The following CHL1 variants were observed in gnomAD, a reference collection of about 807,000 sequenced individuals.
The protein encoded by CHL1 is neural cell adhesion molecule L1-like protein.
In CHL1, 96 loss-of-function variants were observed where a neutral mutation model predicts 141.9. The ratio of observed to expected loss-of-function variants is 0.68; its 90% confidence interval spans 0.57 to 0.80. The LOEUF (loss-of-function observed/expected upper bound fraction) is 0.80. Ranked by LOEUF, CHL1 falls within the 30% of genes least tolerant of loss-of-function variation. CHL1 has a pLI of 0.00. For synonymous variants in CHL1, 613 were observed against 502.2 expected, an observed-to-expected ratio of 1.22 and a Z score of -2.95; for missense variants, 1,820 against 1,457.2, an observed-to-expected ratio of 1.25 and a Z score of -4.05.
At position 296,351 on chromosome 3, in the gene CHL1, C is replaced by T. The variant is rs115483347; in HGVS notation, c.-94-23332C>T. On this transcript the variant is annotated intron_variant, in intron 2 of 27. Transcript: ENST00000256509. ...CAAATGGAATTTACTATTTTATATA[C>T]CAAAATTCTGTGAAAATACAGGTGG... 2.4e-3 allele frequency among the ~76,000 whole-genome samples: 364 copies of T among 152,204 alleles called. 4 individuals carry two copies. The highest frequency in any genetic ancestry group is 8.1e-3 in the African/African-American group (337 of 41,534).
chr3:206,437 G>A (rs1022315128), intron 1 of CHL1, among the ~76,000 whole-genome samples: 2 of 152,102 alleles, frequency 1.3e-5, no homozygotes, highest in African/African-American at 4.8e-5. Context: ...CTGCACTCCA[G>A]CCTGGGTGAC....
intron 2 of CHL1, among the ~76,000 whole-genome samples, chr3:310,947 C>T (rs1466826534): frequency 6.6e-6 from 1 of 152,152 alleles, no homozygotes; most frequent in African/African-American, 2.4e-5. Flanking sequence ...ATAGTTTTGC[C>T]TTTTCCAGAG....
chr3:228,300 CTAA>C (rs1701543719), intron 1 of CHL1, among the ~76,000 whole-genome samples: 1 of 151,548 alleles, frequency 6.6e-6, no homozygotes, highest in Non-Finnish European at 1.5e-5. Flanking sequence ...TACATTTAGT[CTAA>C]GAGGTAGAAA....
At position 349,349 on chromosome 3, in the gene CHL1, T is replaced by G. The variant is rs745497795; in HGVS notation, c.849-10T>G. On this transcript the variant is annotated splice_polypyrimidine_tract_variant and intron_variant, in intron 9 of 27. Transcript: ENST00000256509. ...AAAAAAATGTTTATTTATTTAACTA[T>G]TTTTTGCAGGCCAACTCCACAGGTT... The G allele has an allele frequency of 6.2e-7, 1 of 1,605,622 alleles. No individual in the cohort carries two copies. Among genetic ancestry groups the G allele is most frequent in the Non-Finnish European group, 8.5e-7 (1 of 1,176,626 alleles).
At chr3:229,990 C>T (rs1701716310) in intron 1 of CHL1, among the ~76,000 whole-genome samples, 2 of 152,102 alleles carry the variant, frequency 1.3e-5, no homozygotes, top group African/African-American at 4.8e-5. Context: ...GGTGGATCTT[C>T]TCTCCTTATC....
At chr3:348,500 CA>C (rs1272776467) in intron 9 of CHL1, among the ~76,000 whole-genome samples, 1 of 152,114 alleles carries the variant, frequency 6.6e-6, no homozygotes, top group African/African-American at 2.4e-5. Context: ...TCAAATGAGT[CA>C]CAGAAGGTAT....
intron 15 of CHL1, among the ~76,000 whole-genome samples, chr3:376,836 C>G (rs1262267966): frequency 6.6e-6 from 1 of 152,024 alleles, no homozygotes; most frequent in Admixed American, 6.6e-5. Flanking sequence ...ATTAACAATT[C>G]AAGGTAATAT....
At chr3:350,832 C>A (rs1703184341) in intron 10 of CHL1, among the ~76,000 whole-genome samples, 1 of 152,070 alleles carries the variant, frequency 6.6e-6, no homozygotes, top group Admixed American at 6.6e-5. Context: ...CAACATCTGC[C>A]AAACAGTGAT....
intron 2 of CHL1, among the ~76,000 whole-genome samples, chr3:245,466 A>C (rs1421261026): frequency 1.3e-5 from 2 of 152,178 alleles, no homozygotes; most frequent in Non-Finnish European, 2.9e-5. Context: ...TGTTTGGTTC[A>C]GTAAGTGCCA....
At position 401,735 on chromosome 3, in the gene CHL1, T is replaced by C. The variant is rs776270623; in HGVS notation, c.3458+37T>C. 5.8e-6 allele frequency: 7 copies of C among 1,205,278 alleles called. No individual in the cohort carries two copies. The South Asian group carries it at 9.7e-5, about 17-fold the overall frequency. The allele number at this position is 1,205,278 out of a possible 1,614,324, so 74.7% of individuals were successfully genotyped here. A position where few individuals can be genotyped will look rare whatever the true frequency, so the allele number is the denominator to read the frequency against. ...GTTCTGTTGTAAAATAAAACACATA[T>C]TCATCATGTTGAAAGCTTAAGTGAA... On this transcript the variant is annotated intron_variant, in intron 27 of 27. Transcript: ENST00000256509.
At chr3:329,989 A>G (rs1701312430) in intron 5 of CHL1, among the ~76,000 whole-genome samples, 1 of 152,106 alleles carries the variant, frequency 6.6e-6, no homozygotes, top group African/African-American at 2.4e-5. Context: ...AGCAGAGAAA[A>G]ACATCAGTGA....
At position 357,551 on chromosome 3, in the gene CHL1, G is replaced by T. The variant is rs80339156; in HGVS notation, c.1166-2733G>T. Among the ~76,000 whole-genome samples the T allele has an allele frequency of 9.2e-5, 14 of 152,242 alleles. No homozygotes were observed. In the East Asian group the frequency reaches 2.7e-3, roughly 29 times the overall value. On this transcript the variant is annotated intron_variant, in intron 11 of 27. Transcript: ENST00000256509. ...TAAAACCAGGAACTAAACCCAGGAA[G>T]GATTAACTCCAGAGCTGAAGTTTCG...
chr3:244,266 C>G (rs1026083183), intron 1 of CHL1, among the ~76,000 whole-genome samples: 1 of 152,164 alleles, frequency 6.6e-6, no homozygotes, highest in African/African-American at 2.4e-5. Flanking sequence ...CCAGACAGGT[C>G]AGGAGAACCG....
chr3:409,222 G>T lies in CHL1; in HGVS notation c.*3511G>T, dbSNP rs1044909942. The T allele has an allele frequency of 1.3e-5, 2 of 152,008 alleles. No homozygotes were observed. Among genetic ancestry groups the T allele is most frequent in the Admixed American group, 1.3e-4 (2 of 15,234 alleles). The allele number at this position is 152,008 out of a possible 1,614,324, so 9.4% of individuals were successfully genotyped here. A position where few individuals can be genotyped will look rare whatever the true frequency, so the allele number is the denominator to read the frequency against. On this transcript the variant is annotated 3_prime_UTR_variant, in exon 28 of 28. Coordinates refer to ENST00000256509, the MANE Select transcript of CHL1 (RefSeq NM_006614.4). ...GATTACGTCATCAAAAGAGATGAAA[G>T]GTATGTAGAACAGGTTCACGTGATT...
At chr3:253,921 T>A (rs938826644) in intron 2 of CHL1, among the ~76,000 whole-genome samples, 1 of 152,236 alleles carries the variant, frequency 6.6e-6, no homozygotes, top group African/African-American at 2.4e-5. Flanking sequence ...TATTGAGAAC[T>A]TACACTGAGC....
At chr3:339,126 A>G (rs1047301546) in intron 5 of CHL1, among the ~76,000 whole-genome samples, 3 of 152,148 alleles carry the variant, frequency 2.0e-5, no homozygotes, top group Non-Finnish European at 4.4e-5. Context: ...CCAACTACCC[A>G]ACAGCACCAC....
intron 17 of CHL1, 95 bp from the exon 18 acceptor site, chr3:382,379 A>C (rs1354946313): frequency 1.4e-6 from 2 of 1,460,924 alleles, no homozygotes; most frequent in African/African-American, 1.4e-5. Flanking sequence ...TCTTCTTATA[A>C]CATCCTTTTG....
chr3:344,097 G>A lies in CHL1; in HGVS notation c.728-492G>A, dbSNP rs79358688. ...AGCTGAGACTACAGGTAGAGTTGCC[G>A]AAAGAGCTTGATAAATTCATAGATG... On this transcript the variant is annotated intron_variant, in intron 8 of 27. Coordinates refer to ENST00000256509, the MANE Select transcript of CHL1 (RefSeq NM_006614.4). Among the ~76,000 whole-genome samples, 234 of 152,212 alleles carry A rather than the reference G, an allele frequency of 1.5e-3. 1 individual carries two copies. Among genetic ancestry groups the A allele is most frequent in the Middle Eastern group, 3.4e-3 (1 of 294 alleles).
chr3:290,453 A>T (rs1697583955), intron 2 of CHL1, among the ~76,000 whole-genome samples: 1 of 152,224 alleles, frequency 6.6e-6, no homozygotes, highest in Admixed American at 6.5e-5. Context: ...CTAGGTTAGA[A>T]AAGAGAAAAT....
Sources: gnomAD v4.1 joint callset for allele counts (sites outside exome capture counted in the v4.1 genomes callset) on GRCh38, gnomAD v4.1.1 for gene constraint, MANE v1.5 for transcripts, NCBI Gene and HGNC (gene_info 2026-07-23, HGNC 2026-07-21) for gene names.